Variants in IL18RAP observed in about 807,000 individuals in gnomAD.
IL18RAP encodes the protein interleukin-18 receptor accessory protein.
In IL18RAP, 37 loss-of-function variants were observed where a neutral mutation model predicts 58.1. That is an observed-to-expected ratio of 0.64 (90% CI 0.49 to 0.84). IL18RAP has a LOEUF of 0.84. Among genes scored for constraint, IL18RAP ranks in the 40% least tolerant of loss-of-function variants. The pLI, the probability that IL18RAP is intolerant of heterozygous loss-of-function variation, is 0.00. For missense variants in IL18RAP, 667 were observed against 704.8 expected (o/e 0.95, Z 0.61); for synonymous variants, 268 against 257.5 (o/e 1.04, Z -0.39).
rs986656578 is a variant in IL18RAP at position 102,445,256 on chromosome 2, G to T, written c.988G>T (p.Asp330Tyr). ...NIILEKVTQR[D>Y]LRRKFVCFVQ... ...CATCTTGGAAAAAGTCACTCAGCGT[G>T]ATCTTCGCAGGAAGTTTGTTTGCTT... The change falls in exon 7 of 10, where the codon GAT becomes TAT. Residue 330 changes from aspartate to tyrosine, a missense_variant. Transcript: ENST00000687160. 2 of 1,614,102 alleles carry T rather than the reference G, an allele frequency of 1.2e-6. No homozygotes were observed. Among genetic ancestry groups the T allele is most frequent in the Middle Eastern group, 3.3e-4 (2 of 6,062 alleles).
rs1231538306 is a variant in IL18RAP, at chr2:102,432,929, TA to T, written c.580-4280del. ...GCCTTGGCATAAACAAACTTCATCT[TA>T]AATAAATAATAGTTACATGTAATGT... On this transcript the variant is annotated intron_variant, in intron 3 of 9. Coordinates refer to ENST00000687160, the MANE Select transcript of IL18RAP (RefSeq NM_001393487.1). 4.6e-5 allele frequency among the ~76,000 whole-genome samples: 7 copies of T among 152,366 alleles called. No individual in the cohort carries two copies. The East Asian group carries it at 1.3e-3, about 29-fold the overall frequency.
intron 3 of IL18RAP, among the ~76,000 whole-genome samples, chr2:102,425,590 G>A (rs984494542): frequency 2.0e-5 from 3 of 151,894 alleles, no homozygotes; most frequent in Admixed American, 1.3e-4. Context: ...AGAGCCAATA[G>A]TTTTGTTCAT....
chr2:102,423,031 G>T (rs532357857), upstream of IL18RAP: 23 of 538,546 alleles, frequency 4.3e-5, no homozygotes, highest in Admixed American at 5.5e-4. Flanking sequence ...AAGTGAAAAG[G>T]TTGCTACACA....
chr2:102,446,432 C>A (rs1683420080), intron 7 of IL18RAP, among the ~76,000 whole-genome samples: 1 of 152,076 alleles, frequency 6.6e-6, no homozygotes, highest in Admixed American at 6.6e-5. Flanking sequence ...CCCGTTGTGT[C>A]GTCTTTTATC....
upstream of IL18RAP, among the ~76,000 whole-genome samples, chr2:102,420,034 A>G (rs943404178): frequency 9.9e-5 from 15 of 152,250 alleles, no homozygotes; most frequent in Non-Finnish European, 2.1e-4. Flanking sequence ...GAAGCATTTT[A>G]GTGACGGCAG....
At position 102,441,310 on chromosome 2, in the gene IL18RAP, A is replaced by G; in HGVS notation, c.731-2A>G. 1 of 1,611,812 alleles carries G rather than the reference A, an allele frequency of 6.2e-7. No individual in the cohort carries two copies. The highest frequency in any genetic ancestry group is 8.5e-7 in the Non-Finnish European group (1 of 1,178,130). ...ATAGTAATCTTTGTTTTCATCTTTC[A>G]GTGGGAGACACTAAACTCAAACCAG... On this transcript the variant is annotated splice_acceptor_variant, in intron 4 of 9. Coordinates refer to ENST00000687160, the MANE Select transcript of IL18RAP (RefSeq NM_001393487.1). LOFTEE classifies it high-confidence loss of function.
chr2:102,426,914 TC>T (rs1681985840), intron 3 of IL18RAP, among the ~76,000 whole-genome samples: 1 of 152,054 alleles, frequency 6.6e-6, no homozygotes, highest in Non-Finnish European at 1.5e-5. Context: ...CACCCTCTTC[TC>T]CCCACCAATC....
chr2:102,431,262 A>G (rs889260332), intron 3 of IL18RAP, among the ~76,000 whole-genome samples: 2 of 152,114 alleles, frequency 1.3e-5, no homozygotes, highest in Non-Finnish European at 2.9e-5. Flanking sequence ...CCTGGCCTAT[A>G]TCGTTTCTGC....
In IL18RAP at chr2:102,443,311, C is replaced by T. The variant is rs1334464196; in HGVS notation, c.908C>T (p.Pro303Leu). Residue 303 changes from proline to leucine, a missense_variant, in exon 6 of 10, where the codon CCT (proline) becomes CTT (leucine). Physicochemically the swap from Pro to Leu is moderately conservative, Grantham distance 98. Coordinates refer to ENST00000687160, the MANE Select transcript of IL18RAP (RefSeq NM_001393487.1). ...GACCTAGAGTGGGAAGTCTCAGTAC[C>T]TGAGGCGAAAAGGTAAGAAAAAAAC... ...DSDLEWEVSV[P>L]EAKSIKSTLK... 1 of 1,612,726 alleles carries T rather than the reference C, an allele frequency of 6.2e-7. No homozygotes were observed. The highest frequency in any genetic ancestry group is 1.1e-5 in the South Asian group (1 of 90,974).
intron 3 of IL18RAP, among the ~76,000 whole-genome samples, chr2:102,430,936 A>G (rs918422598): frequency 2.0e-5 from 3 of 152,128 alleles, no homozygotes; most frequent in Non-Finnish European, 4.4e-5. Context: ...TTGTCTATTA[A>G]CCTTCATAGT....
intron 3 of IL18RAP, chr2:102,432,147 G>A (rs1245079024): frequency 1.3e-5 from 2 of 152,088 alleles, no homozygotes; most frequent in Non-Finnish European, 2.9e-5. Context: ...TCCCAGATAA[G>A]CAGACTTTGG....
Position 102,447,151 on chromosome 2 carries a change from G to A in IL18RAP, c.1154G>A (p.Trp385Ter). Reference sequence around the variant, plus strand: ...GCGAGTGCCCTCCTCTACAGGCACTGGATTGAAATAGTGCTGCTGTACCGG... The same window carrying A: ...GCGAGTGCCCTCCTCTACAGGCACTAGATTGAAATAGTGCTGCTGTACCGG... ...LAASALLYRH[W>*]IEIVLLYRTY... The change falls in exon 8 of 10, where the codon TGG (tryptophan) becomes TAG (stop). Residue 385 changes from tryptophan (W) to a stop codon, truncating the protein, a stop_gained. Transcript: ENST00000687160. LOFTEE classifies it high-confidence loss of function. 2 of 1,614,164 alleles carry A rather than the reference G, an allele frequency of 1.2e-6. No homozygotes were observed. The highest frequency in any genetic ancestry group is 1.7e-6 in the Non-Finnish European group (2 of 1,180,022).
intron 3 of IL18RAP, among the ~76,000 whole-genome samples, chr2:102,431,562 G>A (rs1682361469): frequency 6.6e-6 from 1 of 151,678 alleles, no homozygotes; most frequent in African/African-American, 2.4e-5. Flanking sequence ...AATCTTGAAG[G>A]TGTCCCATAA....
At chr2:102,436,819 G>GTGTGTATATA (rs1553404995) in intron 3 of IL18RAP, among the ~76,000 whole-genome samples, 3 of 149,986 alleles carry the variant, frequency 2.0e-5, no homozygotes, top group African/African-American at 7.4e-5. Context: ...GTGTGTGTGT[G>GTGTGTATATA]TATATATATA....
In IL18RAP at chr2:102,424,042, ATCCTCACAT is replaced by A; in HGVS notation, c.303_311del (p.Pro102_Ile104del). 1 of 1,614,082 alleles carries A rather than the reference ATCCTCACAT, an allele frequency of 6.2e-7. No homozygotes were observed. The highest frequency in any genetic ancestry group is 8.5e-7 in the Non-Finnish European group (1 of 1,179,964). ...CCATTAGAGGACATTAGGAAAAGCT[ATCCTCACAT>A]CATTCAGGACAAATGTACCCTTCAC... On this transcript the variant is annotated inframe_deletion, in exon 2 of 10. Transcript: ENST00000687160.
At chr2:102,431,612 C>G (rs1189088138) in intron 3 of IL18RAP, among the ~76,000 whole-genome samples, 1 of 151,894 alleles carries the variant, frequency 6.6e-6, no homozygotes, top group Non-Finnish European at 1.5e-5. Flanking sequence ...TTTTGCTCCT[C>G]TGACTAGATA....
chr2:102,450,873 A>ATC lies in IL18RAP; in HGVS notation c.1237_1238dup (p.Tyr414ProfsTer16). 2 of 1,604,316 alleles carry ATC rather than the reference A, an allele frequency of 1.2e-6. No homozygotes were observed. The highest frequency in any genetic ancestry group is 1.7e-6 in the Non-Finnish European group (2 of 1,176,932). On this transcript the variant is annotated frameshift_variant, in exon 9 of 10. Coordinates refer to ENST00000687160, the MANE Select transcript of IL18RAP (RefSeq NM_001393487.1). LOFTEE classifies it high-confidence loss of function. ...ATAAAAAGGATTTTGATGCTTTCGT[A>ATC]TCCTATGCAAAATGGAGCTCTTTTC... is the stretch of plus-strand genomic sequence containing the variant.
At position 102,452,078 on chromosome 2, in the gene IL18RAP, G is replaced by A. The variant is rs756680929; in HGVS notation, c.1697G>A (p.Gly566Glu). 82 of 1,613,970 alleles carry A rather than the reference G, an allele frequency of 5.1e-5. No homozygotes were observed. Among genetic ancestry groups the A allele is most frequent in the Admixed American group, 5.0e-5 (3 of 60,000 alleles). ...RYHMPVKNSQ[G>E]FTWNQLRITS... ...CACATGCCTGTGAAAAACTCTCAGG[G>A]ATTCACGTGGAACCAGCTCAGAATT... is the stretch of plus-strand genomic sequence containing the variant. Residue 566 changes from glycine (G) to glutamate (E), a missense_variant, in exon 10 of 10, where the codon GGA becomes GAA. Physicochemically the swap from Gly to Glu is moderately conservative, Grantham distance 98. Transcript: ENST00000687160.
intron 3 of IL18RAP, among the ~76,000 whole-genome samples, chr2:102,430,332 T>A (rs996017877): frequency 2.0e-5 from 3 of 152,020 alleles, no homozygotes; most frequent in African/African-American, 7.2e-5. Context: ...CTTTTTATAG[T>A]TTTTTTACTG....
Sources: gnomAD v4.1 joint callset for allele counts (sites outside exome capture counted in the v4.1 genomes callset) on GRCh38, gnomAD v4.1.1 for gene constraint, MANE v1.5 for transcripts, NCBI Gene and HGNC (gene_info 2026-07-23, HGNC 2026-07-21) for gene names.